The following KAZN variants were observed in gnomAD, a reference collection of about 807,000 sequenced individuals.
KAZN encodes kazrin, periplakin interacting protein, also known as kazrin.
In KAZN, 40 loss-of-function variants were observed where a neutral mutation model predicts 87.4. The ratio of observed to expected loss-of-function variants is 0.46; its 90% CI spans 0.36 to 0.60. The LOEUF (loss-of-function observed/expected upper bound fraction) is 0.60, where lower values mean the gene tolerates loss of function less well. Ranked by LOEUF, KAZN falls within the 20% of genes least tolerant of loss-of-function variation. The probability of loss-of-function intolerance (pLI) is 0.00; values close to 1 mark genes in which losing one functional copy is unlikely to be tolerated. For synonymous variants in KAZN, 466 were observed against 458.3 expected (o/e 1.02, Z -0.22); for missense variants, 898 against 1,073.9 (o/e 0.84, Z 2.29).
chr1:15,042,436 C>T (rs542359190), intron 3 of KAZN, among the ~76,000 whole-genome samples: 4 of 152,264 alleles, frequency 2.6e-5, no homozygotes, highest in East Asian at 1.9e-4. Context: ...TTCTTTCTTA[C>T]GTGGGTGGTC....
chr1:14,550,739 C>CTCTCTCT (rs1480745409), intron 2 of KAZN, among the ~76,000 whole-genome samples: 1,250 of 69,244 alleles, frequency 0.018, 19 homozygotes, highest in Non-Finnish European at 0.029. Flanking sequence ...CTCTCTCTCT[C>CTCTCTCT]CCCCACCCCG....
intron 1 of KAZN, among the ~76,000 whole-genome samples, chr1:14,921,712 CTTGT>C (rs1344912001): frequency 1.3e-5 from 2 of 152,046 alleles, no homozygotes; most frequent in African/African-American, 2.4e-5. Context: ...TGTTGTTGTT[CTTGT>C]TTGTTTGTTT....
chr1:14,986,583 G>A (rs1470444073), intron 2 of KAZN, among the ~76,000 whole-genome samples: 1 of 152,280 alleles, frequency 6.6e-6, no homozygotes, highest in East Asian at 1.9e-4. Context: ...AAAGGAGTGT[G>A]TGGGCCACTG....
Position 15,096,992 on chromosome 1 carries a change from A to G in KAZN, c.1547+2059A>G, listed in dbSNP as rs145875077. Among the ~76,000 whole-genome samples the G allele has an allele frequency of 6.6e-6, 1 of 152,228 alleles. No homozygotes were observed. Among genetic ancestry groups the G allele is most frequent in the Non-Finnish European group, 1.5e-5 (1 of 68,006 alleles). On this transcript the variant is annotated intron_variant, in intron 10 of 14. Transcript: ENST00000376030. The surrounding 1 kb of genome is among the most constrained non-coding windows in gnomAD (Gnocchi z 4.5). The stretch of plus-strand genomic sequence containing the variant: ...AGGGATCGTGGAGCCCCACCCTTAG[A>G]CACCCCCAGGGCTTCCTGGAGGAGG...
intron 1 of KAZN, among the ~76,000 whole-genome samples, chr1:14,030,397 G>A (rs7524318): frequency 0.94 from 135,858 of 143,930 alleles, 64,224 homozygotes; most frequent in African/African-American, 0.98. Context: ...ACATGGACAC[G>A]GGAAGGGGAA....
intron 1 of KAZN, among the ~76,000 whole-genome samples, chr1:14,916,850 G>A (rs1398545402): frequency 1.3e-5 from 2 of 151,840 alleles, no homozygotes; most frequent in Non-Finnish European, 2.9e-5. Context: ...GGAGTTTGAG[G>A]CTGCATTGAG....
chr1:14,549,606 G>C (rs895267742), intron 2 of KAZN, among the ~76,000 whole-genome samples: 1 of 140,952 alleles, frequency 7.1e-6, no homozygotes, highest in Non-Finnish European at 1.5e-5. Context: ...AGTTCTCCAG[G>C]CAACCCCTTT....
rs150528807 is a variant in KAZN at position 14,972,096 on chromosome 1, A to G, written c.418+11221A>G. On this transcript the variant is annotated intron_variant, in intron 2 of 14. Transcript: ENST00000376030. ...AAAGGTCAGAGATGGATTCTGCAGAATGAGGACAGGACTCGGTGTGCGTCA... is the reference window on the plus strand; with the variant it reads ...AAAGGTCAGAGATGGATTCTGCAGAGTGAGGACAGGACTCGGTGTGCGTCA... Among the ~76,000 whole-genome samples, 791 of 152,256 alleles carry G rather than the reference A, an allele frequency of 5.2e-3. 10 individuals are homozygous for G. Among genetic ancestry groups the G allele is most frequent in the African/African-American group, 0.018 (750 of 41,550 alleles).
intron 1 of KAZN, among the ~76,000 whole-genome samples, chr1:14,812,524 T>A (rs1380767239): frequency 2.0e-5 from 3 of 152,162 alleles, no homozygotes; most frequent in African/African-American, 7.2e-5. Flanking sequence ...AATTTTTTGT[T>A]GTGTTTTGAA....
chr1:14,789,812 A>G (rs1007759905), intron 1 of KAZN, among the ~76,000 whole-genome samples: 1 of 143,800 alleles, frequency 7.0e-6, no homozygotes, highest in Non-Finnish European at 1.5e-5. Context: ...TAGAGCCTAG[A>G]CAGTATCTGG....
intron 2 of KAZN, among the ~76,000 whole-genome samples, chr1:14,337,190 G>C (rs1657331936): frequency 6.6e-6 from 1 of 152,204 alleles, no homozygotes; most frequent in South Asian, 2.1e-4. Context: ...TTTGAAGCTA[G>C]CACAAGTGTT....
rs1641845225 is a variant in KAZN at position 15,116,391 on chromosome 1, C to T, written c.*1756C>T. 3 of 152,192 alleles carry T rather than the reference C, an allele frequency of 2.0e-5. No individual in the cohort carries two copies. In the South Asian group the frequency reaches 6.2e-4, roughly 32 times the overall value. 9.4% of individuals were successfully genotyped at this position (152,192 alleles called of 1,614,324 possible). A position where few individuals can be genotyped will look rare whatever the true frequency, so the allele number is the denominator to read the frequency against. ...GTTCCCCCTAATGACATAAACGCAG[C>T]CTTTCTTGCTGTCTGAGACCAAATG... On this transcript the variant is annotated 3_prime_UTR_variant, in exon 15 of 15. Transcript: ENST00000376030.
chr1:14,902,516 C>A (rs983502868), intron 1 of KAZN, among the ~76,000 whole-genome samples: 1 of 152,200 alleles, frequency 6.6e-6, no homozygotes, highest in African/African-American at 2.4e-5. Context: ...GCGTGAGCCA[C>A]CGCGCCCAGC....
chr1:14,248,486 G>C (rs1649716656), intron 2 of KAZN, among the ~76,000 whole-genome samples: 1 of 152,246 alleles, frequency 6.6e-6, no homozygotes, highest in Non-Finnish European at 1.5e-5. Flanking sequence ...GACTAGCAGA[G>C]GGTGTGGATG....
chr1:14,547,714 C>A (rs760995039), intron 2 of KAZN, among the ~76,000 whole-genome samples: 51 of 152,102 alleles, frequency 3.4e-4, no homozygotes, highest in Non-Finnish European at 4.4e-4. Context: ...TCCCAAGTAG[C>A]TGGAACTACA....
At chr1:14,272,672 C>A (rs1166629686) in intron 2 of KAZN, among the ~76,000 whole-genome samples, 1 of 152,002 alleles carries the variant, frequency 6.6e-6, no homozygotes, top group African/African-American at 2.4e-5. Context: ...GCCTGGCCAA[C>A]ATAGTGAAAC....
At chr1:14,906,410 C>G (rs1293913672) in intron 1 of KAZN, among the ~76,000 whole-genome samples, 2 of 151,952 alleles carry the variant, frequency 1.3e-5, no homozygotes, top group Non-Finnish European at 2.9e-5. Context: ...CATTCTCATT[C>G]CTTGACTTGG....
intron 1 of KAZN, among the ~76,000 whole-genome samples, chr1:14,777,186 C>A (rs527967144): frequency 6.6e-6 from 1 of 150,444 alleles, no homozygotes; most frequent in East Asian, 2.0e-4. Flanking sequence ...TTAGTAGAGA[C>A]GGGGTTTCAC....
chr1:15,109,037 G>A (rs1297174525), intron 13 of KAZN, among the ~76,000 whole-genome samples: 9 of 152,280 alleles, frequency 5.9e-5, no homozygotes, highest in South Asian at 2.1e-4. Context: ...AGGTCACCCC[G>A]TATTCCTTTG....
Sources: gnomAD v4.1 joint callset for allele counts (sites outside exome capture counted in the v4.1 genomes callset) on GRCh38, gnomAD v4.1.1 for gene constraint, Gnocchi (gnomAD v3.1) non-coding constraint, MANE v1.5 for transcripts, NCBI Gene and HGNC (gene_info 2026-07-23, HGNC 2026-07-21) for gene names.